Variants in LGR6 observed in about 807,000 individuals in gnomAD.
LGR6 encodes leucine-rich repeat-containing G protein-coupled receptor 6.
Under a neutral mutation model 69.4 loss-of-function variants are expected in LGR6, and 45 were observed. The observed-to-expected ratio is 0.65, with a 90% CI of 0.51 to 0.83. LGR6 has a LOEUF of 0.83. Among genes scored for constraint, LGR6 ranks in the 40% least tolerant of loss-of-function variants. The probability of loss-of-function intolerance (pLI) is 0.00; values close to 1 mark genes in which losing one functional copy is unlikely to be tolerated. For missense variants in LGR6, 1,108 were observed against 1,246.7 expected, an observed-to-expected ratio of 0.89 and a Z score of 1.68; for synonymous variants, 538 against 555.0, an observed-to-expected ratio of 0.97 and a Z score of 0.43.
chr1:202,197,113 G>A (rs774859830), intron 1 of LGR6: 1 of 531,568 alleles, frequency 1.9e-6, no homozygotes, highest in Non-Finnish European at 3.9e-6. Flanking sequence ...GCTCCAGAAG[G>A]TACCCGCAAG....
At chr1:202,206,814 A>T (rs1234089688) in intron 1 of LGR6, among the ~76,000 whole-genome samples, 1 of 152,044 alleles carries the variant, frequency 6.6e-6, no homozygotes, top group Non-Finnish European at 1.5e-5. Flanking sequence ...TACAGGCGAG[A>T]GAGCTGTGTA....
chr1:202,300,781 G>T, intron 7 of LGR6, 68 bp from the exon 8 acceptor site: 1 of 1,159,150 alleles, frequency 8.6e-7, no homozygotes, highest in Admixed American at 2.0e-5. Context: ...AAGCCCTGTG[G>T]AATTCCATGC....
At chr1:202,198,594 T>C (rs1034564095) in intron 1 of LGR6, among the ~76,000 whole-genome samples, 4 of 151,788 alleles carry the variant, frequency 2.6e-5, no homozygotes, top group African/African-American at 9.7e-5. Flanking sequence ...GTGTGTGTAG[T>C]TGGGGGCTGT....
Position 202,280,820 on chromosome 1 carries a change from C to T in LGR6, c.684C>T (p.His228=). 6.2e-7 allele frequency: 1 copy of T among 1,614,178 alleles called. No homozygotes were observed. The highest frequency in any genetic ancestry group is 8.5e-7 in the Non-Finnish European group (1 of 1,180,014). Residue 228 remains histidine (H), a synonymous_variant, in exon 6 of 18, where the codon CAC becomes CAT. Coordinates refer to ENST00000367278, the MANE Select transcript of LGR6 (RefSeq NM_001017403.2). ...HNNRIQHLGT[H]SFEGLHNLET... is the part of the protein sequence containing the mutation. ...ACCGCATCCAGCATCTGGGGACCCA[C>T]AGCTTCGAGGGGCTGCACAATCTGG...
intron 4 of LGR6, among the ~76,000 whole-genome samples, chr1:202,272,689 G>A (rs1403187386): frequency 6.6e-6 from 1 of 152,212 alleles, no homozygotes; most frequent in African/African-American, 2.4e-5. Flanking sequence ...CTGCCTATGG[G>A]TTACACAAAA....
At chr1:202,303,414 C>T (rs1667752948) in intron 10 of LGR6, 67 bp downstream of exon 10, 1 of 1,265,252 alleles carries the variant, frequency 7.9e-7, no homozygotes, top group Non-Finnish European at 1.2e-6. Flanking sequence ...TCTTCCACTC[C>T]CTGCCCCTGG....
chr1:202,231,891 G>A (rs1378685329), intron 3 of LGR6, among the ~76,000 whole-genome samples: 1 of 152,110 alleles, frequency 6.6e-6, no homozygotes, highest in East Asian at 1.9e-4. Context: ...TCAGAAGTTC[G>A]AGACCAGTCT....
intron 1 of LGR6, chr1:202,214,376 C>G: frequency 1.1e-6 from 1 of 879,050 alleles, no homozygotes; most frequent in South Asian, 2.0e-5. Context: ...GTTCTGGGAG[C>G]CGAGGCCGCC....
intron 4 of LGR6, among the ~76,000 whole-genome samples, chr1:202,261,602 A>G (rs1357973691): frequency 1.3e-5 from 2 of 152,224 alleles, no homozygotes; most frequent in African/African-American, 4.8e-5. Flanking sequence ...TATACCCAGT[A>G]ACGGGATGGC....
rs569878525 is a variant in LGR6, at chr1:202,273,736, G to A, written c.429-2570G>A. On this transcript the variant is annotated intron_variant, in intron 4 of 17. Transcript: ENST00000367278. ...CTCCCAAAATGCTGGGATTACAGGC[G>A]TGAGCTACCGTGCCCGGTCATCAAT... Among the ~76,000 whole-genome samples the A allele has an allele frequency of 7.2e-5, 11 of 152,192 alleles. No homozygotes were observed. In the South Asian group the frequency reaches 8.3e-4, roughly 11 times the overall value.
chr1:202,273,992 G>A (rs1665332417), intron 4 of LGR6, among the ~76,000 whole-genome samples: 1 of 152,194 alleles, frequency 6.6e-6, no homozygotes, highest in South Asian at 2.1e-4. Context: ...GGACTAAGAT[G>A]CTGCTCCCAT....
At position 202,319,317 on chromosome 1, in the gene LGR6, T is replaced by G; in HGVS notation, c.*110T>G. On this transcript the variant is annotated 3_prime_UTR_variant, in exon 18 of 18. Transcript: ENST00000367278. ...AACCAAAACTCAGCAGTGTGATCTA[T>G]AGCAGGATGGCCCAGTCCCTGGCTC... is the stretch of plus-strand genomic sequence containing the variant. The G allele has an allele frequency of 8.1e-7, 1 of 1,233,304 alleles. No homozygotes were observed. The highest frequency in any genetic ancestry group is 1.1e-6 in the Non-Finnish European group (1 of 908,944). 76.4% of individuals were successfully genotyped at this position (1,233,304 alleles called of 1,614,324 possible).
chr1:202,276,055 C>T (rs1291659842), intron 4 of LGR6, among the ~76,000 whole-genome samples: 1 of 152,154 alleles, frequency 6.6e-6, no homozygotes, highest in Non-Finnish European at 1.5e-5. Flanking sequence ...GATTGTGCCA[C>T]TGCACTTCAG....
At chr1:202,266,904 GCACA>G (rs373412296) in intron 4 of LGR6, among the ~76,000 whole-genome samples, 1 of 150,798 alleles carries the variant, frequency 6.6e-6, no homozygotes, top group Non-Finnish European at 1.5e-5. Flanking sequence ...TCTAACGCGC[GCACA>G]CACACACACA....
intron 6 of LGR6, among the ~76,000 whole-genome samples, chr1:202,288,788 A>G (rs1350974613): frequency 6.6e-6 from 1 of 152,206 alleles, no homozygotes; most frequent in African/African-American, 2.4e-5. Context: ...CCTTCCCATA[A>G]GCCAGTTGTT....
intron 14 of LGR6, 142 bp downstream of exon 14, chr1:202,307,543 C>T (rs2148287681): frequency 1.4e-6 from 1 of 696,722 alleles, no homozygotes; most frequent in African/African-American, 1.8e-5. Flanking sequence ...ATCATTCTGA[C>T]AATCCGTTTG....
chr1:202,296,021 A>G (rs1667136253), intron 6 of LGR6, among the ~76,000 whole-genome samples: 1 of 152,072 alleles, frequency 6.6e-6, no homozygotes, highest in Non-Finnish European at 1.5e-5. Flanking sequence ...TGACCCTGTC[A>G]CGCAGAGGAG....
At chr1:202,217,804 G>A (rs1659884389) in intron 1 of LGR6, among the ~76,000 whole-genome samples, 1 of 152,172 alleles carries the variant, frequency 6.6e-6, no homozygotes, top group Non-Finnish European at 1.5e-5. Flanking sequence ...CCAAGAAAGG[G>A]CAAAATAAAG....
At chr1:202,301,787 C>T (rs1188594369) in intron 9 of LGR6, among the ~76,000 whole-genome samples, 1 of 152,000 alleles carries the variant, frequency 6.6e-6, no homozygotes, top group Non-Finnish European at 1.5e-5. Context: ...GAGGCTGAGG[C>T]GGGTGGATCA....
Sources: gnomAD v4.1 joint callset for allele counts (sites outside exome capture counted in the v4.1 genomes callset) on GRCh38, gnomAD v4.1.1 for gene constraint, MANE v1.5 for transcripts, NCBI Gene and HGNC (gene_info 2026-07-23, HGNC 2026-07-21) for gene names.